Variants in TIAM2 observed in about 807,000 individuals in gnomAD.
TIAM2 encodes TIAM Rac1 associated GEF 2.
TIAM2 carries 80 observed loss-of-function variants against 152.9 expected under a neutral mutation model. That is an observed-to-expected ratio of 0.52 (90% CI 0.44 to 0.63). TIAM2 has a LOEUF of 0.63. Among genes scored for constraint, TIAM2 ranks in the 30% least tolerant of loss-of-function variants. The probability of loss-of-function intolerance (pLI) is 0.00; values close to 1 mark genes in which losing one functional copy is unlikely to be tolerated. For synonymous variants in TIAM2, 804 were observed against 838.0 expected (o/e 0.96, Z 0.70); for missense variants, 1,965 against 2,120.1 (o/e 0.93, Z 1.44).
At chr6:155,029,568 A>G (rs1285452968) in intron 1 of TIAM2, among the ~76,000 whole-genome samples, 2 of 103,668 alleles carry the variant, frequency 1.9e-5, no homozygotes, top group African/African-American at 7.7e-5. Context: ...TATATACTAT[A>G]TAATAGTATA....
At chr6:155,059,329 C>CGTGTGCGT (rs1554227496) in intron 1 of TIAM2, among the ~76,000 whole-genome samples, 6 of 149,290 alleles carry the variant, frequency 4.0e-5, no homozygotes, top group African/African-American at 4.9e-5. Flanking sequence ...TGTGTGTGCG[C>CGTGTGCGT]GTGTATGTTT....
At chr6:155,027,397 CTATA>C (rs1305396275) in intron 1 of TIAM2, among the ~76,000 whole-genome samples, 2 of 120,978 alleles carry the variant, frequency 1.7e-5, no homozygotes, top group Non-Finnish European at 3.2e-5. Context: ...TACATATATA[CTATA>C]TATAATATAT....
At chr6:155,011,766 G>T (rs979181274) in intron 1 of TIAM2, among the ~76,000 whole-genome samples, 2 of 152,174 alleles carry the variant, frequency 1.3e-5, no homozygotes, top group African/African-American at 2.4e-5. Context: ...GTAAACTTTT[G>T]ATCAGCATAT....
Position 155,176,818 on chromosome 6 carries a change from C to G in TIAM2, c.2364C>G (p.Val788=), listed in dbSNP as rs931653623. The G allele has an allele frequency of 1.2e-6, 2 of 1,606,054 alleles. No homozygotes were observed. The highest frequency in any genetic ancestry group is 1.7e-6 in the Non-Finnish European group (2 of 1,177,880). ...TTTCTTTTGGCATCTACAAACAGGT[C>G]GATGAACTTCTGCATATATATGGTT... ...GKEKRPSITQ[V]DELLHIYGST... is the part of the protein sequence containing the mutation. The change falls in exon 10 of 27, where the codon GTC becomes GTG. Residue 788 remains valine, a splice_region_variant and synonymous_variant. Coordinates refer to ENST00000682666, the MANE Select transcript of TIAM2 (RefSeq NM_012454.4).
intron 14 of TIAM2, among the ~76,000 whole-genome samples, chr6:155,185,057 G>T (rs182705896): frequency 3.2e-4 from 48 of 151,404 alleles, no homozygotes; most frequent in Non-Finnish European, 1.5e-5. Flanking sequence ...TACCACAGAG[G>T]CTATAATACT....
intron 2 of TIAM2, among the ~76,000 whole-genome samples, chr6:155,125,234 G>A (rs1197826860): frequency 6.6e-6 from 1 of 152,062 alleles, no homozygotes; most frequent in Non-Finnish European, 1.5e-5. Flanking sequence ...TTGTACCGCT[G>A]CACTCCAGCC....
At chr6:155,053,659 C>T (rs764371340) in intron 1 of TIAM2, among the ~76,000 whole-genome samples, 5 of 151,848 alleles carry the variant, frequency 3.3e-5, no homozygotes, top group Non-Finnish European at 5.9e-5. Flanking sequence ...TTAGTAGAGA[C>T]GGAGTTTTGC....
intron 1 of TIAM2, among the ~76,000 whole-genome samples, chr6:155,029,369 T>C (rs1432228104): frequency 6.8e-5 from 7 of 102,786 alleles, no homozygotes; most frequent in Admixed American, 1.5e-4. Context: ...ATATAATATA[T>C]ACTATATATA....
intron 15 of TIAM2, chr6:155,217,042 T>C (rs1781877410): frequency 7.8e-7 from 1 of 1,288,990 alleles, no homozygotes; most frequent in East Asian, 5.5e-5. Flanking sequence ...TGATCCGTTC[T>C]CCCAGAGGGA....
At chr6:155,229,146 C>G (rs553084200) in intron 15 of TIAM2, among the ~76,000 whole-genome samples, 1 of 152,286 alleles carries the variant, frequency 6.6e-6, no homozygotes, top group South Asian at 2.1e-4. Flanking sequence ...TCCCATAGCC[C>G]TCGCCACTTT....
intron 1 of TIAM2, among the ~76,000 whole-genome samples, chr6:154,998,188 A>C (rs1212998255): frequency 6.6e-6 from 1 of 152,162 alleles, no homozygotes; most frequent in East Asian, 1.9e-4. Context: ...CTAGCCACTC[A>C]GGTTTACGTG....
chr6:155,251,202 T>A (rs1431249293), intron 22 of TIAM2, among the ~76,000 whole-genome samples, 181 bp downstream of exon 22: 1 of 152,234 alleles, frequency 6.6e-6, no homozygotes, highest in Admixed American at 6.5e-5. Flanking sequence ...TGCATCCTCA[T>A]TATCTTGTTC....
chr6:155,146,678 C>G (rs1472972565), intron 6 of TIAM2, among the ~76,000 whole-genome samples: 1 of 151,926 alleles, frequency 6.6e-6, no homozygotes. Flanking sequence ...TCACTGCAAC[C>G]TCTGCCTCCC....
chr6:155,100,862 C>T (rs945515367), intron 2 of TIAM2, among the ~76,000 whole-genome samples: 3 of 151,998 alleles, frequency 2.0e-5, no homozygotes, highest in Non-Finnish European at 2.9e-5. Flanking sequence ...GAAACTGAGG[C>T]GCAGAGAAAT....
intron 1 of TIAM2, among the ~76,000 whole-genome samples, chr6:155,029,861 C>G (rs951259113): frequency 1.3e-5 from 2 of 151,096 alleles, no homozygotes; most frequent in Non-Finnish European, 2.9e-5. Context: ...GGTGTGATCG[C>G]GGCTCACTGC....
chr6:155,144,874 A>G (rs926656823), intron 6 of TIAM2, 96 bp downstream of exon 6: 27 of 1,376,896 alleles, frequency 2.0e-5, no homozygotes, highest in Non-Finnish European at 2.5e-5. Flanking sequence ...AATTGAATAA[A>G]TACTTAGTTA....
At chr6:155,243,872 A>G in intron 16 of TIAM2, 139 bp from the exon 17 acceptor site, 2 of 570,910 alleles carry the variant, frequency 3.5e-6, no homozygotes, top group Non-Finnish European at 6.1e-6. Context: ...AAAAAAAAAA[A>G]AAAAAGAATT....
At chr6:155,203,048 CAAAAAAA>C (rs59836931) in intron 14 of TIAM2, among the ~76,000 whole-genome samples, 2 of 78,916 alleles carry the variant, frequency 2.5e-5, no homozygotes, top group South Asian at 4.4e-4. Flanking sequence ...AACTCTGTCT[CAAAAAAA>C]AAAAAAAAAA....
At position 155,130,328 on chromosome 6, in the gene TIAM2, G is replaced by C; in HGVS notation, c.1105G>C (p.Asp369His). 6.2e-7 allele frequency: 1 copy of C among 1,614,084 alleles called. No homozygotes were observed. The highest frequency in any genetic ancestry group is 1.3e-5 in the African/African-American group (1 of 75,036). Reference sequence around the variant, plus strand: ...TCGGAAGCCCAAAGCCTTTGTTGAGGATACTGCGAAGAAGGACTCCCTCAA... The same window carrying C: ...TCGGAAGCCCAAAGCCTTTGTTGAGCATACTGCGAAGAAGGACTCCCTCAA... ...PCRKPKAFVEDTAKKDSLKAR... is the reference protein window; with the variant it reads ...PCRKPKAFVEHTAKKDSLKAR... Residue 369 changes from aspartate (D) to histidine (H), a missense_variant, in exon 4 of 27, where the codon GAT becomes CAT. Transcript: ENST00000682666.
Sources: allele counts gnomAD v4.1 joint callset (sites outside exome capture counted in the v4.1 genomes callset), GRCh38; gene constraint gnomAD v4.1.1; transcripts MANE v1.5; gene names NCBI Gene and HGNC (gene_info 2026-07-23, HGNC 2026-07-21).